STK32A: variants seen among roughly 807,000 people sequenced by gnomAD.
STK32A encodes serine/threonine kinase 32A, also known as serine/threonine-protein kinase 32A.
STK32A carries 41 observed loss-of-function variants against 53.2 expected under a neutral mutation model. The observed-to-expected ratio is 0.77, with a 90% confidence interval of 0.60 to 1.00. The LOEUF is 1.00. Ranked by LOEUF, STK32A falls within the 50% of genes least tolerant of loss-of-function variation. STK32A has a pLI of 0.00. For synonymous variants in STK32A, 166 were observed against 162.8 expected (o/e 1.02, Z -0.15); for missense variants, 458 against 485.8 (o/e 0.94, Z 0.54).
chr5:147,316,707 T>C (rs921326154), intron 4 of STK32A, among the ~76,000 whole-genome samples: 20 of 151,892 alleles, frequency 1.3e-4, no homozygotes, highest in African/African-American at 4.6e-4. Context: ...AATTAAAATA[T>C]CAGCTGAGCA....
chr5:147,329,697 A>G (rs1754769266), intron 5 of STK32A, among the ~76,000 whole-genome samples: 2 of 152,310 alleles, frequency 1.3e-5, no homozygotes, highest in East Asian at 1.9e-4. Flanking sequence ...GCTCATGGTT[A>G]TACCTCTAAT....
intron 7 of STK32A, among the ~76,000 whole-genome samples, chr5:147,351,633 G>C (rs1432284902): frequency 2.6e-5 from 4 of 152,114 alleles, no homozygotes; most frequent in South Asian, 2.1e-4. Context: ...CAGATCATGA[G>C]GTCAAAAGAT....
intron 2 of STK32A, among the ~76,000 whole-genome samples, chr5:147,241,556 C>T (rs1033150879): frequency 3.2e-4 from 48 of 152,188 alleles, no homozygotes; most frequent in African/African-American, 1.2e-3. Context: ...AAGCTATTCA[C>T]TATCAGTTTG....
At chr5:147,376,016 T>A (rs545220905) in intron 11 of STK32A, 47 of 152,166 alleles carry the variant, frequency 3.1e-4, no homozygotes, top group Non-Finnish European at 2.8e-4. Flanking sequence ...GTAGCTATGA[T>A]CTGCCAGGTC....
Position 147,239,650 on chromosome 5 carries a change from T to C in STK32A, c.16T>C (p.Ser6Pro), listed in dbSNP as rs1027417239. 1 of 1,608,764 alleles carries C rather than the reference T, an allele frequency of 6.2e-7. No individual in the cohort carries two copies. Among genetic ancestry groups the C allele is most frequent in the South Asian group, 1.1e-5 (1 of 89,490 alleles). MGANT[S>P]RKPPVFDENE... Reference sequence around the variant, plus strand: ...AGATTCAACCATGGGAGCGAACACTTCAAGAAAACCACCAGTGTTTGATGA... The same window carrying C: ...AGATTCAACCATGGGAGCGAACACTCCAAGAAAACCACCAGTGTTTGATGA... Residue 6 changes from serine (S) to proline (P), a missense_variant, in exon 2 of 13, where the codon TCA becomes CCA. By Grantham distance (74) the Ser-to-Pro change is moderately conservative (BLOSUM62 -1). Coordinates refer to ENST00000397936, the MANE Select transcript of STK32A (RefSeq NM_001112724.2).
chr5:147,262,768 A>G (rs1213432408), intron 2 of STK32A, among the ~76,000 whole-genome samples: 1 of 152,176 alleles, frequency 6.6e-6, no homozygotes, highest in African/African-American at 2.4e-5. Flanking sequence ...AACGTTGCAG[A>G]AACTGGAAAG....
chr5:147,390,304 G>A (rs1283149164), downstream of STK32A, among the ~76,000 whole-genome samples: 1 of 152,102 alleles, frequency 6.6e-6, no homozygotes, highest in Non-Finnish European at 1.5e-5. Context: ...GCTCTAAGAA[G>A]AGCAGATATA....
intron 2 of STK32A, among the ~76,000 whole-genome samples, chr5:147,254,022 A>G (rs1006058930): frequency 6.6e-6 from 1 of 152,074 alleles, no homozygotes; most frequent in African/African-American, 2.4e-5. Context: ...CTCTTCATAG[A>G]TCTTAAAAAC....
the STK32A span, chr5:147,397,549 A>G: frequency 9.0e-7 from 1 of 1,116,956 alleles, no homozygotes; most frequent in Admixed American, 2.4e-5. Context: ...CAAGACTGTC[A>G]CTGAATTTCT....
At chr5:147,400,042 CTT>C in the STK32A span, among the ~76,000 whole-genome samples, 1 of 151,196 alleles carries the variant, frequency 6.6e-6, no homozygotes, top group Non-Finnish European at 1.5e-5. Context: ...GTATACATAA[CTT>C]TGATAAGAAT....
chr5:147,266,626 C>T (rs948533116), intron 2 of STK32A, among the ~76,000 whole-genome samples: 7 of 152,034 alleles, frequency 4.6e-5, no homozygotes, highest in Non-Finnish European at 1.0e-4. Context: ...GTGGATATAG[C>T]GAAGAACAAG....
chr5:147,267,995 A>G (rs190238974), intron 2 of STK32A, among the ~76,000 whole-genome samples: 8 of 152,286 alleles, frequency 5.3e-5, no homozygotes, highest in Admixed American at 2.6e-4. Context: ...TCCTCATGGG[A>G]TCTTTGAAAA....
intron 2 of STK32A, among the ~76,000 whole-genome samples, chr5:147,262,038 A>C (rs143112278): frequency 6.6e-6 from 1 of 152,308 alleles, no homozygotes; most frequent in African/African-American, 2.4e-5. Context: ...CCGATGCTGT[A>C]CAAGAGTAGG....
intron 7 of STK32A, among the ~76,000 whole-genome samples, chr5:147,358,485 T>C (rs1440806814): frequency 6.6e-6 from 1 of 152,162 alleles, no homozygotes; most frequent in Non-Finnish European, 1.5e-5. Context: ...ATAGGAACGT[T>C]CATGACAGCA....
At chr5:147,348,272 A>T (rs1561738150) in intron 6 of STK32A, among the ~76,000 whole-genome samples, 1 of 152,208 alleles carries the variant, frequency 6.6e-6, no homozygotes, top group South Asian at 2.1e-4. Flanking sequence ...AAAGGAAAAT[A>T]CTCAACATTC....
chr5:147,322,303 C>G (rs772472448), intron 4 of STK32A, among the ~76,000 whole-genome samples: 1 of 152,122 alleles, frequency 6.6e-6, no homozygotes, highest in Non-Finnish European at 1.5e-5. Flanking sequence ...TAAATTTTTC[C>G]AAGACGTATT....
intron 6 of STK32A, among the ~76,000 whole-genome samples, chr5:147,348,343 C>T (rs547745062): frequency 4.5e-4 from 68 of 152,322 alleles, no homozygotes; most frequent in African/African-American, 1.6e-3. Context: ...GCCAGGCCCT[C>T]TTTTAAAAAT....
chr5:147,343,985 T>G (rs1218898819), intron 6 of STK32A, among the ~76,000 whole-genome samples: 1 of 152,252 alleles, frequency 6.6e-6, no homozygotes, highest in African/African-American at 2.4e-5. Flanking sequence ...TGTGTACGAT[T>G]TCTTCCTAAT....
intron 8 of STK32A, among the ~76,000 whole-genome samples, chr5:147,362,954 G>C (rs1342900923): frequency 6.6e-6 from 1 of 151,744 alleles, no homozygotes; most frequent in African/African-American, 2.4e-5. Flanking sequence ...GGCATGGTGG[G>C]GCAAGCCAGT....
Sources: allele counts gnomAD v4.1 joint callset (sites outside exome capture counted in the v4.1 genomes callset), GRCh38; gene constraint gnomAD v4.1.1; transcripts MANE v1.5; gene names NCBI Gene and HGNC (gene_info 2026-07-23, HGNC 2026-07-21).